Variants in TRIM24 observed in about 807,000 individuals in gnomAD.
The protein encoded by TRIM24 is transcription intermediary factor 1-alpha.
Under a neutral mutation model 123.9 loss-of-function variants are expected in TRIM24, and 29 were observed. That is an observed-to-expected ratio of 0.23 (90% CI 0.17 to 0.32). The LOEUF is 0.32. TRIM24 is among the 10% of genes least tolerant of loss of function. The pLI is 1.00. For missense variants in TRIM24, 932 were observed against 1,295.3 expected, an observed-to-expected ratio of 0.72 and a Z score of 4.31; for synonymous variants, 456 against 461.1, an observed-to-expected ratio of 0.99 and a Z score of 0.14.
rs1337206963 is a variant in TRIM24 at position 138,576,396 on chromosome 7, C to T, written c.2038C>T (p.His680Tyr). Residue 680 changes from histidine to tyrosine, a missense_variant, in exon 13 of 19, where the codon CAC becomes TAC. This residue lies in a region of TRIM24 where 527 missense variants were observed against 691.3 expected (regional missense o/e 0.76). Transcript: ENST00000343526. Reference sequence around the variant, plus strand: ...AGGACCTGTTACTATGACTAGTGTACACCCCCCAATACGTTCACCTAGTGC... The same window carrying T: ...AGGACCTGTTACTATGACTAGTGTATACCCCCCAATACGTTCACCTAGTGC... Reference protein sequence around the residue: ...LAGPVTMTSVHPPIRSPSASS... With the variant: ...LAGPVTMTSVYPPIRSPSASS... 7 of 1,613,778 alleles carry T rather than the reference C, an allele frequency of 4.3e-6. No individual in the cohort carries two copies. The highest frequency in any genetic ancestry group is 5.1e-6 in the Non-Finnish European group (6 of 1,179,750).
intron 6 of TRIM24, among the ~76,000 whole-genome samples, chr7:138,537,911 TTCC>T (rs1469152943): frequency 6.6e-6 from 1 of 152,256 alleles, no homozygotes; most frequent in Non-Finnish European, 1.5e-5. Flanking sequence ...AAGTCCTGTT[TTCC>T]TCCTTTTTCC....
intron 16 of TRIM24, 37 bp from the exon 17 acceptor site, chr7:138,581,660 T>C (rs1256841648): frequency 1.3e-6 from 2 of 1,520,164 alleles, no homozygotes; most frequent in East Asian, 2.3e-5. Context: ...CATTGTTTTA[T>C]AATATTTTAT....
At chr7:138,528,481 G>A (rs188247212) in intron 5 of TRIM24, among the ~76,000 whole-genome samples, 73 of 151,690 alleles carry the variant, frequency 4.8e-4, no homozygotes, top group African/African-American at 1.8e-3. Context: ...ATGAAAGCTT[G>A]TTTTTCAAAC....
At chr7:138,577,269 C>A in intron 13 of TRIM24, 151 bp from the exon 14 acceptor site, 2 of 493,604 alleles carry the variant, frequency 4.1e-6, no homozygotes, top group Non-Finnish European at 6.8e-6. Context: ...CTTGCATACA[C>A]CAGTTTCATT....
chr7:138,515,292 C>G lies in TRIM24; in HGVS notation c.564C>G (p.Ile188Met). 1 of 1,614,038 alleles carries G rather than the reference C, an allele frequency of 6.2e-7. No individual in the cohort carries two copies. ...ECVEWLCKTC[I>M]RAHQRVKFTK... ...TTGAATGGCTCTGCAAGACGTGTAT[C>G]AGAGCTCATCAGAGGGTAAAGTTCA... The change falls in exon 3 of 19, where the codon ATC (isoleucine) becomes ATG (methionine). Residue 188 changes from isoleucine (I) to methionine (M), a missense_variant. By Grantham distance (10) the Ile-to-Met change is conservative. Around this residue, in one of 7 missense-constraint regions of TRIM24, gnomAD observed 74 missense variants for 163.6 expected, o/e 0.45. Coordinates refer to ENST00000343526, the MANE Select transcript of TRIM24 (RefSeq NM_015905.3).
chr7:138,553,733 A>T (rs962703838), intron 8 of TRIM24, among the ~76,000 whole-genome samples: 4 of 152,166 alleles, frequency 2.6e-5, no homozygotes, highest in Non-Finnish European at 5.9e-5. Context: ...GCTTGTTTTG[A>T]TATATGACAG....
At chr7:138,552,434 A>C (rs1797230301) in intron 8 of TRIM24, among the ~76,000 whole-genome samples, 1 of 152,200 alleles carries the variant, frequency 6.6e-6, no homozygotes, top group Admixed American at 6.5e-5. Flanking sequence ...CTATTTGCTG[A>C]GTAGAAACAC....
At chr7:138,525,408 T>A (rs757182902) in intron 5 of TRIM24, 51 bp downstream of exon 5, 1 of 1,068,142 alleles carries the variant, frequency 9.4e-7, no homozygotes, top group Non-Finnish European at 1.3e-6. Flanking sequence ...TTAAGTATAT[T>A]CACTTTTAGA....
In TRIM24 at chr7:138,505,509, GGTTGTTGTTGTTGTT is replaced by G. The variant is rs59585473; in HGVS notation, c.483+1133_483+1147del. ...GCTTCATTTGTTTTTTGGGGGTGGT[GGTTGTTGTTGTTGTT>G]GTTGTTGTTGTTGTTGTTGTTGTTG... On this transcript the variant is annotated intron_variant, in intron 2 of 18. Transcript: ENST00000343526. Among the ~76,000 whole-genome samples the G allele has an allele frequency of 1.4e-4, 20 of 143,928 alleles. No homozygotes were observed. The South Asian group carries it at 2.5e-3, about 18-fold the overall frequency. The allele number at this position is 143,928 out of a possible 152,430, so 94.4% of individuals were successfully genotyped here. A position where few individuals can be genotyped will look rare whatever the true frequency, so the allele number is the denominator to read the frequency against.
intron 2 of TRIM24, among the ~76,000 whole-genome samples, chr7:138,513,387 C>T (rs1257277234): frequency 6.6e-6 from 1 of 152,134 alleles, no homozygotes; most frequent in African/African-American, 2.4e-5. Flanking sequence ...AGTCTGGTCT[C>T]ACATTGCTAT....
chr7:138,493,954 T>TTTA (rs1410905142), intron 1 of TRIM24, among the ~76,000 whole-genome samples: 1 of 152,202 alleles, frequency 6.6e-6, no homozygotes, highest in African/African-American at 2.4e-5. Context: ...TTATATCTGT[T>TTTA]TTATTATTGT....
chr7:138,466,547 C>A (rs1795145383), intron 1 of TRIM24, among the ~76,000 whole-genome samples: 1 of 146,672 alleles, frequency 6.8e-6, no homozygotes, highest in Admixed American at 6.8e-5. Flanking sequence ...CCACTGCAAC[C>A]TCCGCCATGT....
At chr7:138,563,699 G>C (rs977674965) in intron 9 of TRIM24, among the ~76,000 whole-genome samples, 2 of 152,206 alleles carry the variant, frequency 1.3e-5, no homozygotes, top group Admixed American at 1.3e-4. Flanking sequence ...AGAGGCCTCA[G>C]GGTCAAACGG....
intron 2 of TRIM24, among the ~76,000 whole-genome samples, chr7:138,506,775 G>T (rs1047062813): frequency 6.6e-6 from 1 of 152,164 alleles, no homozygotes; most frequent in Non-Finnish European, 1.5e-5. Context: ...GGCATGCATG[G>T]GTTAGGGTAG....
intron 7 of TRIM24, among the ~76,000 whole-genome samples, chr7:138,550,479 C>T (rs1165967135): frequency 1.3e-5 from 2 of 151,954 alleles, no homozygotes; most frequent in African/African-American, 4.8e-5. Flanking sequence ...AATAGTGAAC[C>T]AAGAACTAAA....
intron 1 of TRIM24, among the ~76,000 whole-genome samples, chr7:138,498,782 G>A (rs1212670597): frequency 1.3e-5 from 2 of 151,492 alleles, no homozygotes; most frequent in East Asian, 3.9e-4. Flanking sequence ...TTATAGGCAT[G>A]CACCACCATG....
At chr7:138,545,316 G>A (rs1353994329) in intron 7 of TRIM24, among the ~76,000 whole-genome samples, 2 of 152,156 alleles carry the variant, frequency 1.3e-5, no homozygotes, top group Admixed American at 1.3e-4. Context: ...CAGGCATGAA[G>A]CTGGCAGCCA....
At chr7:138,546,647 C>A (rs988017570) in intron 7 of TRIM24, among the ~76,000 whole-genome samples, 1 of 152,078 alleles carries the variant, frequency 6.6e-6, no homozygotes, top group Non-Finnish European at 1.5e-5. Context: ...GGCACTGGAG[C>A]AAATGTGGTC....
At chr7:138,521,761 A>G (rs953601680) in intron 4 of TRIM24, among the ~76,000 whole-genome samples, 5 of 152,220 alleles carry the variant, frequency 3.3e-5, no homozygotes, top group African/African-American at 7.2e-5. Context: ...AAGACACACC[A>G]TATAAATATT....
Sources: allele counts gnomAD v4.1 joint callset (sites outside exome capture counted in the v4.1 genomes callset), GRCh38; gene constraint gnomAD v4.1.1; regional missense constraint gnomAD v4.1.1; transcripts MANE v1.5; gene names NCBI Gene and HGNC (gene_info 2026-07-23, HGNC 2026-07-21).